The following ACSL6 variants were observed in gnomAD, a reference collection of about 807,000 sequenced individuals.
The protein encoded by ACSL6 is long-chain-fatty-acid--CoA ligase 6.
Under a neutral mutation model 98.2 loss-of-function variants are expected in ACSL6, and 47 were observed. That is an observed-to-expected ratio of 0.48 (90% CI 0.38 to 0.61). The LOEUF is 0.61. ACSL6 is among the 20% of genes least tolerant of loss of function. ACSL6 has a pLI of 0.00. For missense variants in ACSL6, 761 were observed against 913.4 expected (o/e 0.83, Z 2.15); for synonymous variants, 362 against 336.9 (o/e 1.07, Z -0.82).
chr5:132,006,775 C>T (rs1755431379), intron 1 of ACSL6: 1 of 152,270 alleles, frequency 6.6e-6, no homozygotes, highest in South Asian at 2.1e-4. Context: ...TCAACAAACA[C>T]TTCTGGAGCA....
chr5:131,967,600 G>A (rs902279752), intron 16 of ACSL6, among the ~76,000 whole-genome samples: 2 of 151,760 alleles, frequency 1.3e-5, no homozygotes, highest in Non-Finnish European at 2.9e-5. Flanking sequence ...GGGAGGCGGA[G>A]GTTGCAGTGA....
chr5:131,971,966 C>T (rs541032322), intron 13 of ACSL6, among the ~76,000 whole-genome samples: 126 of 152,326 alleles, frequency 8.3e-4, no homozygotes, highest in African/African-American at 2.9e-3. Flanking sequence ...GCTGTTCCGT[C>T]ACTCTCCCAT....
rs1431024458 is a variant in ACSL6 at position 131,971,577 on chromosome 5, T to C, written c.1407A>G (p.Gly469=). The change falls in exon 14 of 21, where the codon GGA becomes GGG. Residue 469 remains glycine (G), a synonymous_variant. Transcript: ENST00000651883. ...GAAPASPTVL[G]FLRAALGCQV... is the part of the protein sequence containing the mutation. ...GGCACCCTAGAGCTGCCCGGAGAAATCCCAGAACTGTTGGTGATGCTGGGG... is the reference window on the plus strand; with the variant it reads ...GGCACCCTAGAGCTGCCCGGAGAAACCCCAGAACTGTTGGTGATGCTGGGG... 2.5e-6 allele frequency: 4 copies of C among 1,611,422 alleles called. No homozygotes were observed. The highest frequency in any genetic ancestry group is 2.2e-5 in the South Asian group (2 of 90,324).
chr5:131,999,775 C>T (rs1218589910), intron 1 of ACSL6, among the ~76,000 whole-genome samples: 1 of 152,210 alleles, frequency 6.6e-6, no homozygotes. Flanking sequence ...TGGCTCAGAT[C>T]AGCTCAGAGC....
In ACSL6 at chr5:131,951,449, G is replaced by A. The variant is rs1473399524; in HGVS notation, c.*2785C>T. ...TAAATGTACATGCAAGATATTTAGG[G>A]TACACTATTTACTTTTCTCAGCACA... On this transcript the variant is annotated 3_prime_UTR_variant, in exon 21 of 21. Coordinates refer to ENST00000651883, the MANE Select transcript of ACSL6 (RefSeq NM_001009185.3). 1 of 203,850 alleles carries A rather than the reference G, an allele frequency of 4.9e-6. No individual in the cohort carries two copies. The highest frequency in any genetic ancestry group is 2.3e-5 in the African/African-American group (1 of 43,700). The allele number at this position is 203,850 out of a possible 1,614,324, so 12.6% of individuals were successfully genotyped here.
At position 131,991,051 on chromosome 5, in the gene ACSL6, CCA is replaced by C. The variant is rs1260182341; in HGVS notation, c.271-86_271-85del. ...GGCCGCAGCATGCACAAGGCTGTAC[CCA>C]GCTCGGATGTACAACCCGTGCATGC... On this transcript the variant is annotated intron_variant, in intron 2 of 20. Coordinates refer to ENST00000651883, the MANE Select transcript of ACSL6 (RefSeq NM_001009185.3). 16 of 1,196,812 alleles carry C rather than the reference CCA, an allele frequency of 1.3e-5. No individual in the cohort carries two copies. In the East Asian group the frequency reaches 3.8e-4, roughly 28 times the overall value. 74.1% of individuals were successfully genotyped at this position (1,196,812 alleles called of 1,614,324 possible).
intron 13 of ACSL6, among the ~76,000 whole-genome samples, chr5:131,972,194 A>G (rs1344332938): frequency 6.6e-6 from 1 of 152,246 alleles, no homozygotes; most frequent in Non-Finnish European, 1.5e-5. Flanking sequence ...AAAAAAATGA[A>G]TAATGCTACT....
At chr5:132,011,719 G>A (rs183987947), upstream of ACSL6, 683 of 1,273,988 alleles carry the variant, frequency 5.4e-4, 10 homozygotes, top group East Asian at 0.02. The surrounding 1 kb of genome is among the most constrained non-coding windows in gnomAD (Gnocchi z 5.4). Context: ...GCGCCGCTGC[G>A]GAGACGGCTC....
intron 8 of ACSL6, 45 bp from the exon 9 acceptor site, chr5:131,985,503 C>A: frequency 1.9e-6 from 3 of 1,607,830 alleles, no homozygotes; most frequent in Non-Finnish European, 2.6e-6. Context: ...CCCAGTGTGG[C>A]CAGCCAGGGC....
At chr5:131,991,463 A>G (rs1330378998) in intron 2 of ACSL6, among the ~76,000 whole-genome samples, 3 of 152,138 alleles carry the variant, frequency 2.0e-5, no homozygotes, top group African/African-American at 2.4e-5. Flanking sequence ...TCACATAATG[A>G]AGTGAGTTAG....
Position 132,011,655 on chromosome 5 carries a change from C to CGCT in ACSL6, c.-105_-103dup. 7.9e-7 allele frequency: 1 copy of CGCT among 1,259,344 alleles called. No homozygotes were observed. Among genetic ancestry groups the CGCT allele is most frequent in the Non-Finnish European group, 1.0e-6 (1 of 999,854 alleles). 78.0% of individuals were successfully genotyped at this position (1,259,344 alleles called of 1,614,324 possible). ...CCAGCAGTAGCCGCGCCGCCGCCGCCGCTGCCGGGTATTTTTAGCCCCCGC... is the reference window on the plus strand; with the variant it reads ...CCAGCAGTAGCCGCGCCGCCGCCGCCGCTGCTGCCGGGTATTTTTAGCCCCCGC... On this transcript the variant is annotated 5_prime_UTR_variant, in exon 1 of 21. Coordinates refer to ENST00000651883, the MANE Select transcript of ACSL6 (RefSeq NM_001009185.3). This position sits in a 1 kb window ranked among gnomAD's most constrained non-coding sequence, Gnocchi z 5.4.
At chr5:131,982,576 ACTC>A (rs1192174769) in intron 9 of ACSL6, 2 of 151,226 alleles carry the variant, frequency 1.3e-5, no homozygotes, top group Admixed American at 1.3e-4. Flanking sequence ...TCTATTGGGA[ACTC>A]CTGTCCCATC....
intron 6 of ACSL6, chr5:131,988,495 T>G (rs1754319925): frequency 2.2e-5 from 34 of 1,578,528 alleles, no homozygotes; most frequent in Non-Finnish European, 2.7e-5. Flanking sequence ...CCAGGTCTGT[T>G]TGAGATATTT....
chr5:131,968,117 G>T, intron 15 of ACSL6, 89 bp from the exon 16 acceptor site: 3 of 1,061,632 alleles, frequency 2.8e-6, no homozygotes, highest in Non-Finnish European at 4.2e-6. Context: ...TCTCTGAGTG[G>T]CCAAAGTGGG....
intron 3 of ACSL6, among the ~76,000 whole-genome samples, chr5:131,990,375 G>A (rs1754440133): frequency 6.6e-6 from 1 of 152,248 alleles, no homozygotes. Context: ...CCAGGGATCA[G>A]GGAGGTCTGG....
chr5:132,000,016 G>A (rs1247489422), intron 1 of ACSL6, among the ~76,000 whole-genome samples: 1 of 151,960 alleles, frequency 6.6e-6, no homozygotes, highest in Non-Finnish European at 1.5e-5. Flanking sequence ...TAGGGGGTGG[G>A]GGGTGACAGG....
intron 7 of ACSL6, among the ~76,000 whole-genome samples, chr5:131,987,237 G>A (rs1010843564): frequency 6.6e-6 from 1 of 152,222 alleles, no homozygotes; most frequent in Admixed American, 6.5e-5. Flanking sequence ...TAAGCAAAGT[G>A]CACATGCCAC....
At chr5:131,986,778 C>G (rs760706301) in intron 8 of ACSL6, 44 bp downstream of exon 8, 21 of 1,612,496 alleles carry the variant, frequency 1.3e-5, no homozygotes, top group Non-Finnish European at 1.8e-5. Context: ...ACAGGCCCTG[C>G]ACGCCATCTC....
At chr5:132,011,898 T>G (rs1207031300), upstream of ACSL6, 2 of 1,552,118 alleles carry the variant, frequency 1.3e-6, no homozygotes, top group Non-Finnish European at 1.7e-6. The surrounding 1 kb of genome is among the most constrained non-coding windows in gnomAD (Gnocchi z 5.4). Context: ...CCGGCCCCGC[T>G]CTCCAACGTC....
Sources: gnomAD v4.1 joint callset for allele counts (sites outside exome capture counted in the v4.1 genomes callset) on GRCh38, gnomAD v4.1.1 for gene constraint, Gnocchi (gnomAD v3.1) non-coding constraint, MANE v1.5 for transcripts, NCBI Gene and HGNC (gene_info 2026-07-23, HGNC 2026-07-21) for gene names.